PDE6D: variants seen among roughly 807,000 people sequenced by gnomAD.
PDE6D encodes the protein phosphodiesterase 6D.
PDE6D carries 10 observed loss-of-function variants against 21.9 expected under a neutral mutation model. That is an observed-to-expected ratio of 0.46 (90% CI 0.28 to 0.78). The LOEUF is 0.78. Ranked by LOEUF, PDE6D falls within the 30% of genes least tolerant of loss-of-function variation. PDE6D has a pLI of 0.12. For synonymous variants in PDE6D, 59 were observed against 63.5 expected (o/e 0.93, Z 0.34); for missense variants, 139 against 184.8 (o/e 0.75, Z 1.44).
chr2:231,778,533 C>T (rs1334246125), intron 1 of PDE6D, among the ~76,000 whole-genome samples: 1 of 152,162 alleles, frequency 6.6e-6, no homozygotes, highest in Non-Finnish European at 1.5e-5. Context: ...ATAACACTGG[C>T]TAAAGCATAA....
At position 231,781,196 on chromosome 2, in the gene PDE6D, C is replaced by T. The variant is rs905136051; in HGVS notation, c.-82G>A. ...GGTGCCCAGGAGCCGAGGATGGAGC[C>T]GCAGCCCGGCTTGGAGACCTCGGGC... is the stretch of plus-strand genomic sequence containing the variant. On this transcript the variant is annotated 5_prime_UTR_variant, in exon 1 of 5. Transcript: ENST00000287600. 2.5e-5 allele frequency: 36 copies of T among 1,417,662 alleles called. No homozygotes were observed. The highest frequency in any genetic ancestry group is 3.5e-5 in the Non-Finnish European group (35 of 1,011,194). The allele number at this position is 1,417,662 out of a possible 1,614,324, so 87.8% of individuals were successfully genotyped here. A position where few individuals can be genotyped will look rare whatever the true frequency, so the allele number is the denominator to read the frequency against.
At chr2:231,743,616 CT>C (rs2048768626) in intron 1 of PDE6D, among the ~76,000 whole-genome samples, 1 of 152,000 alleles carries the variant, frequency 6.6e-6, no homozygotes, top group African/African-American at 2.4e-5. Flanking sequence ...TGTGCAATTC[CT>C]AACAAACTCT....
Position 231,758,788 on chromosome 2 carries a change from C to G in PDE6D, c.51-19600G>C, listed in dbSNP as rs143540349. On this transcript the variant is annotated intron_variant, in intron 1 of 4. Coordinates refer to ENST00000287600, the MANE Select transcript of PDE6D (RefSeq NM_002601.4). ...TGGAGATCTTGTTAAAATACAGATT[C>G]TGGTTCAGTAGATTGGGGTGGGATC... Among the ~76,000 whole-genome samples the G allele has an allele frequency of 6.2e-3, 949 of 152,282 alleles. 13 individuals carry two copies. Among genetic ancestry groups the G allele is most frequent in the African/African-American group, 0.022 (895 of 41,546 alleles).
intron 1 of PDE6D, among the ~76,000 whole-genome samples, chr2:231,780,760 C>G (rs1406371427): frequency 6.6e-6 from 1 of 152,090 alleles, no homozygotes; most frequent in Non-Finnish European, 1.5e-5. Context: ...CGGAACCCAG[C>G]CGGCTTCTCC....
intron 1 of PDE6D, among the ~76,000 whole-genome samples, chr2:231,766,896 G>T (rs1305380609): frequency 2.0e-5 from 3 of 150,740 alleles, no homozygotes; most frequent in African/African-American, 7.3e-5. Context: ...GGAGGCTGAG[G>T]CTACTCGGGA....
intron 1 of PDE6D, chr2:231,779,081 CTT>C (rs2049080365): frequency 6.6e-6 from 1 of 152,206 alleles, no homozygotes; most frequent in Non-Finnish European, 1.5e-5. Flanking sequence ...TCCTGCTTTT[CTT>C]TTCTCTCTTA....
At chr2:231,760,751 TA>T (rs2048919054) in intron 1 of PDE6D, among the ~76,000 whole-genome samples, 1 of 152,196 alleles carries the variant, frequency 6.6e-6, no homozygotes, top group East Asian at 1.9e-4. Flanking sequence ...ATTATGCTGC[TA>T]GTGTATTCCA....
At chr2:231,750,109 G>A (rs1465881383) in intron 1 of PDE6D, among the ~76,000 whole-genome samples, 1 of 152,112 alleles carries the variant, frequency 6.6e-6, no homozygotes, top group Non-Finnish European at 1.5e-5. Context: ...TAAGTCTCAC[G>A]AGATTTGATG....
intron 1 of PDE6D, among the ~76,000 whole-genome samples, chr2:231,771,029 G>C (rs2049011513): frequency 6.6e-6 from 1 of 151,580 alleles, no homozygotes; most frequent in Admixed American, 6.6e-5. Context: ...GAGAGGCTGA[G>C]GTGGGAGGAT....
chr2:231,737,832 G>T, intron 3 of PDE6D, 181 bp downstream of exon 3: 1 of 590,854 alleles, frequency 1.7e-6, no homozygotes. Flanking sequence ...CCCTTGTAGT[G>T]GCTAGCTTTG....
chr2:231,753,208 G>T (rs1007524745), intron 1 of PDE6D, among the ~76,000 whole-genome samples: 3 of 151,240 alleles, frequency 2.0e-5, no homozygotes, highest in Non-Finnish European at 4.4e-5. Context: ...TTTCTCAAAG[G>T]GTGGTTCCAT....
rs746149981 is a variant in PDE6D, at chr2:231,732,919, C to T, written c.*33G>A. 3.4e-6 allele frequency: 5 copies of T among 1,472,450 alleles called. No homozygotes were observed. Among genetic ancestry groups the T allele is most frequent in the Non-Finnish European group, 4.7e-6 (5 of 1,059,806 alleles). The allele number at this position is 1,472,450 out of a possible 1,614,324, so 91.2% of individuals were successfully genotyped here. ...ACAGTTTCCTCCTCCCTCCAAAAAACCCAAATTCTTGAAATGTACACACAT... is the reference window on the plus strand; with the variant it reads ...ACAGTTTCCTCCTCCCTCCAAAAAATCCAAATTCTTGAAATGTACACACAT... On this transcript the variant is annotated 3_prime_UTR_variant, in exon 5 of 5. Transcript: ENST00000287600.
chr2:231,744,023 C>T (rs886539430), intron 1 of PDE6D, among the ~76,000 whole-genome samples: 4 of 152,214 alleles, frequency 2.6e-5, no homozygotes, highest in Non-Finnish European at 5.9e-5. Flanking sequence ...ACTACGGCAA[C>T]ATGGACATCA....
At chr2:231,761,599 G>A (rs2048927431) in intron 1 of PDE6D, among the ~76,000 whole-genome samples, 1 of 152,202 alleles carries the variant, frequency 6.6e-6, no homozygotes, top group African/African-American at 2.4e-5. Flanking sequence ...CAGACAGCAT[G>A]AGGCCAGGGA....
Position 231,739,174 on chromosome 2 carries a change from A to G in PDE6D, c.65T>C (p.Leu22Pro). 1 of 1,610,072 alleles carries G rather than the reference A, an allele frequency of 6.2e-7. No homozygotes were observed. Among genetic ancestry groups the G allele is most frequent in the Non-Finnish European group, 8.5e-7 (1 of 1,176,344 alleles). Residue 22 changes from leucine (L) to proline (P), a missense_variant, in exon 2 of 5, where the codon CTT becomes CCT. Physicochemically the swap from Leu to Pro is moderately conservative, Grantham distance 98. Transcript: ENST00000287600. The surrounding 1 kb of genome is among the most constrained non-coding windows in gnomAD (Gnocchi z 4.2). Reference sequence around the variant, plus strand: ...TATCTTCCCTGTCTCAGCATCCCGAAGGTTCATCCAATTTCTGATCAAATA... The same window carrying G: ...TATCTTCCCTGTCTCAGCATCCCGAGGGTTCATCCAATTTCTGATCAAATA... ...LRGFKLNWMN[L>P]RDAETGKILW...
chr2:231,752,819 T>G (rs1024915164), intron 1 of PDE6D, among the ~76,000 whole-genome samples: 3 of 148,326 alleles, frequency 2.0e-5, no homozygotes, highest in Admixed American at 6.8e-5. Flanking sequence ...AAATTATATT[T>G]GAGAGATTTG....
At chr2:231,740,936 C>G (rs541773602) in intron 1 of PDE6D, among the ~76,000 whole-genome samples, 1 of 150,974 alleles carries the variant, frequency 6.6e-6, no homozygotes, top group South Asian at 2.1e-4. Flanking sequence ...GTCGGGAGTT[C>G]GAGACCAGCC....
At chr2:231,734,699 T>A (rs1391822903) in intron 4 of PDE6D, among the ~76,000 whole-genome samples, 5 of 136,736 alleles carry the variant, frequency 3.7e-5, no homozygotes, top group African/African-American at 5.2e-5. Context: ...AAAAAAAAAA[T>A]AGCCGGGCGT....
At position 231,776,652 on chromosome 2, in the gene PDE6D, C is replaced by G. The variant is rs2049060059; in HGVS notation, c.50+4413G>C. Among the ~76,000 whole-genome samples, 4 of 152,146 alleles carry G rather than the reference C, an allele frequency of 2.6e-5. No homozygotes were observed. In the South Asian group the frequency reaches 8.3e-4, roughly 32 times the overall value. ...TGGTTAAGCTTCTGGAAAGAAGGGA[C>G]TGTAAGTTATTCATTTTTGTATCCT... On this transcript the variant is annotated intron_variant, in intron 1 of 4. Transcript: ENST00000287600.
Sources: allele counts gnomAD v4.1 joint callset (sites outside exome capture counted in the v4.1 genomes callset), GRCh38; gene constraint gnomAD v4.1.1; non-coding constraint Gnocchi (gnomAD v3.1); transcripts MANE v1.5; gene names NCBI Gene and HGNC (gene_info 2026-07-23, HGNC 2026-07-21).